ANKDD1B: variants seen among roughly 807,000 people sequenced by gnomAD.
The protein encoded by ANKDD1B is ankyrin repeat and death domain-containing protein 1B.
In ANKDD1B, 57 loss-of-function variants were observed where a neutral mutation model predicts 59.7. That is an observed-to-expected ratio of 0.95 (90% CI 0.77 to 1.19). The LOEUF (loss-of-function observed/expected upper bound fraction) is 1.19. Among genes scored for constraint, ANKDD1B ranks in the 50% most tolerant of loss-of-function variants. ANKDD1B has a pLI of 0.00. For missense variants in ANKDD1B, 602 were observed against 641.9 expected (o/e 0.94, Z 0.67); for synonymous variants, 216 against 239.5 (o/e 0.90, Z 0.91).
intron 5 of ANKDD1B, among the ~76,000 whole-genome samples, chr5:75,630,288 ACT>A (rs1245942682): frequency 6.6e-6 from 1 of 152,218 alleles, no homozygotes; most frequent in Non-Finnish European, 1.5e-5. Flanking sequence ...AATAATATGT[ACT>A]CAATGAGAGA....
chr5:75,656,186 G>A, intron 9 of ANKDD1B, 59 bp downstream of exon 9: 2 of 786,914 alleles, frequency 2.5e-6, no homozygotes, highest in Non-Finnish European at 2.0e-6. Context: ...CACAGTGTGT[G>A]TTTATGGGGA....
intron 6 of ANKDD1B, chr5:75,635,272 C>T (rs1774268889): frequency 6.6e-6 from 2 of 301,980 alleles, no homozygotes; most frequent in African/African-American, 2.1e-5. Flanking sequence ...CCTCTTCTCT[C>T]CTCCCATGAG....
At chr5:75,659,501 C>G in intron 10 of ANKDD1B, 120 bp downstream of exon 10, 1 of 746,624 alleles carries the variant, frequency 1.3e-6, no homozygotes, top group Non-Finnish European at 2.3e-6. Context: ...ACTGGAGAAA[C>G]CATGCATCTT....
intron 9 of ANKDD1B, among the ~76,000 whole-genome samples, chr5:75,657,745 A>G (rs1040641368): frequency 7.9e-5 from 12 of 152,034 alleles, no homozygotes; most frequent in African/African-American, 2.7e-4. Flanking sequence ...TGTCTCTACT[A>G]AAAATGCAAA....
At position 75,620,400 on chromosome 5, in the gene ANKDD1B, A is replaced by G. The variant is rs1773816269; in HGVS notation, c.383A>G (p.Asp128Gly). 6.5e-7 allele frequency: 1 copy of G among 1,531,038 alleles called. No homozygotes were observed. Among genetic ancestry groups the G allele is most frequent in the South Asian group, 1.2e-5 (1 of 83,836 alleles). 94.8% of individuals were successfully genotyped at this position (1,531,038 alleles called of 1,614,324 possible). A position where few individuals can be genotyped will look rare whatever the true frequency, so the allele number is the denominator to read the frequency against. Reference sequence around the variant, plus strand: ...TTGCTTAAACACAAGGCCAGGGTGGATGTTGCTGATAAGGTAAGCTCATCT... The same window carrying G: ...TTGCTTAAACACAAGGCCAGGGTGGGTGTTGCTGATAAGGTAAGCTCATCT... ...DFLLKHKARV[D>G]VADKHGLTVI... The change falls in exon 3 of 14, where the codon GAT becomes GGT. Residue 128 changes from aspartate (D) to glycine (G), a missense_variant. Asp to Gly is a moderately conservative substitution (Grantham distance 94, BLOSUM62 -1). This residue lies in a region of ANKDD1B where 317 missense variants were observed against 304.6 expected (regional missense o/e 1.04). Transcript: ENST00000601380.
intron 12 of ANKDD1B, among the ~76,000 whole-genome samples, chr5:75,667,525 C>A (rs979393195): frequency 6.6e-6 from 1 of 152,098 alleles, no homozygotes; most frequent in Admixed American, 6.5e-5. Flanking sequence ...ATGAGCGACA[C>A]GGCAAATACA....
At chr5:75,667,774 A>G (rs1469574285) in intron 12 of ANKDD1B, among the ~76,000 whole-genome samples, 1 of 152,224 alleles carries the variant, frequency 6.6e-6, no homozygotes, top group African/African-American at 2.4e-5. Context: ...CTGCCCTCTC[A>G]TGGACATCCT....
intron 3 of ANKDD1B, among the ~76,000 whole-genome samples, chr5:75,623,614 A>T (rs1773914874): frequency 1.3e-5 from 2 of 152,222 alleles, no homozygotes; most frequent in African/African-American, 4.8e-5. Flanking sequence ...TATAAATTTG[A>T]TAGGATATGC....
rs1561450706 is a variant in ANKDD1B, at chr5:75,662,359, G to GAGCC, written c.1096-1035_1096-1034insAGCC. Among the ~76,000 whole-genome samples the GAGCC allele has an allele frequency of 3.3e-5, 5 of 152,232 alleles. No homozygotes were observed. In the East Asian group the frequency reaches 9.7e-4, roughly 29 times the overall value. ...AGCCCTAATTTTCCTGCTCCCCTGG[G>GAGCC]TCTTAGTGCCTAGACTAAGAACCAA... On this transcript the variant is annotated intron_variant, in intron 10 of 13. Coordinates refer to ENST00000601380, the MANE Select transcript of ANKDD1B (RefSeq NM_001276713.2).
intron 1 of ANKDD1B, among the ~76,000 whole-genome samples, chr5:75,616,146 G>A (rs1380955720): frequency 6.6e-6 from 1 of 152,088 alleles, no homozygotes; most frequent in Non-Finnish European, 1.5e-5. Flanking sequence ...TGTCCTCTGA[G>A]AGCCCTCTAC....
At chr5:75,634,429 T>C (rs1774244083) in intron 5 of ANKDD1B, among the ~76,000 whole-genome samples, 1 of 152,192 alleles carries the variant, frequency 6.6e-6, no homozygotes, top group African/African-American at 2.4e-5. Context: ...GGAGAAGCAG[T>C]TAATCAAATG....
rs61164763 is a variant in ANKDD1B at position 75,611,678 on chromosome 5, G to A, written c.44G>A (p.Gly15Glu). 105,318 of 1,231,676 alleles carry A rather than the reference G, an allele frequency of 0.086. 4,785 individuals are homozygous for A. Among genetic ancestry groups the A allele is most frequent in the South Asian group, 0.16 (3,953 of 24,318 alleles). 76.3% of individuals were successfully genotyped at this position (1,231,676 alleles called of 1,614,324 possible). A position where few individuals can be genotyped will look rare whatever the true frequency, so the allele number is the denominator to read the frequency against. ...GCCCGGGGCCAAGGGGCCACGGCAG[G>A]GGGGCTGCTGCTCCGGGCTGCTGCG... Reference protein sequence around the residue: ...GRARGQGATAGGLLLRAAAAA... With the variant: ...GRARGQGATAEGLLLRAAAAA... The change falls in exon 1 of 14, where the codon GGG becomes GAG. Residue 15 changes from glycine to glutamate, a missense_variant. Gly to Glu is a moderately conservative substitution (Grantham distance 98). Transcript: ENST00000601380.
chr5:75,616,104 C>G (rs1423648625), intron 1 of ANKDD1B, among the ~76,000 whole-genome samples: 2 of 152,136 alleles, frequency 1.3e-5, no homozygotes, highest in African/African-American at 4.8e-5. Flanking sequence ...TCCTACTTAA[C>G]CTCAATTCTG....
Position 75,663,432 on chromosome 5 carries a change from C to T in ANKDD1B, c.1134C>T (p.Asn378=), listed in dbSNP as rs1344179208. The change falls in exon 11 of 14, where the codon AAC becomes AAT. Residue 378 remains asparagine (N), a synonymous_variant. Transcript: ENST00000601380. ...KTALAVASRS[N]HSLVVGMLIK... ...CCCTGGCTGTGGCCTCCAGGAGCAA[C>T]CATAGCCTTGTCGTGGGCATGCTCA... The T allele has an allele frequency of 1.3e-6, 2 of 1,536,390 alleles. No individual in the cohort carries two copies. Among genetic ancestry groups the T allele is most frequent in the Non-Finnish European group, 1.7e-6 (2 of 1,146,956 alleles).
intron 1 of ANKDD1B, among the ~76,000 whole-genome samples, chr5:75,613,131 G>C (rs533210220): frequency 6.6e-6 from 1 of 152,294 alleles, no homozygotes; most frequent in Admixed American, 6.5e-5. Context: ...TTTCAGTAGA[G>C]GGGTGGGAAA....
intron 3 of ANKDD1B, among the ~76,000 whole-genome samples, chr5:75,624,052 C>T (rs1773925235): frequency 6.6e-6 from 1 of 152,222 alleles, no homozygotes; most frequent in African/African-American, 2.4e-5. Context: ...GTACATCTAA[C>T]AAACAGTTTC....
At chr5:75,635,919 A>G (rs1480570718) in intron 7 of ANKDD1B, 37 bp downstream of exon 7, 3 of 1,325,146 alleles carry the variant, frequency 2.3e-6, no homozygotes, top group South Asian at 2.6e-5. Context: ...TAGGACTTAA[A>G]TGTGGAAGGG....
At chr5:75,626,984 G>T (rs1774012489) in intron 5 of ANKDD1B, among the ~76,000 whole-genome samples, 1 of 152,040 alleles carries the variant, frequency 6.6e-6, no homozygotes, top group Non-Finnish European at 1.5e-5. Flanking sequence ...TAAAAATTTT[G>T]ACATTTGTTT....
chr5:75,657,644 C>T (rs1315718533), intron 9 of ANKDD1B, among the ~76,000 whole-genome samples: 2 of 152,128 alleles, frequency 1.3e-5, no homozygotes, highest in Admixed American at 1.3e-4. Flanking sequence ...CGTGGTGGCT[C>T]ATGCCTGTAA....
Sources: gnomAD v4.1 joint callset for allele counts (sites outside exome capture counted in the v4.1 genomes callset) on GRCh38, gnomAD v4.1.1 for gene constraint, gnomAD v4.1.1 regional missense constraint, MANE v1.5 for transcripts, NCBI Gene and HGNC (gene_info 2026-07-23, HGNC 2026-07-21) for gene names.